Variants in ZNF385D observed in about 807,000 individuals in gnomAD.
ZNF385D encodes zinc finger protein 385D.
ZNF385D carries 15 observed loss-of-function variants against 35.8 expected under a neutral mutation model. That is an observed-to-expected ratio of 0.42 (90% CI 0.28 to 0.64). The LOEUF is 0.64. ZNF385D is among the 30% of genes least tolerant of loss of function. ZNF385D has a pLI of 0.23. For missense variants in ZNF385D, 474 were observed against 494.6 expected (o/e 0.96, Z 0.39); for synonymous variants, 212 against 186.8 (o/e 1.13, Z -1.10).
At chr3:21,572,285 T>C (rs879609612) in intron 2 of ZNF385D, among the ~76,000 whole-genome samples, 2 of 152,210 alleles carry the variant, frequency 1.3e-5, no homozygotes, top group African/African-American at 2.4e-5. Flanking sequence ...CCTTGTACTT[T>C]TGATACATAA....
chr3:21,948,301 A>T (rs1438325472), intron 3 of ZNF385D, among the ~76,000 whole-genome samples: 1 of 152,046 alleles, frequency 6.6e-6, no homozygotes, highest in African/African-American at 2.4e-5. Flanking sequence ...ATAAAATGTA[A>T]AAAGCAAATT....
At chr3:21,529,061 AT>A (rs963583585) in intron 3 of ZNF385D, among the ~76,000 whole-genome samples, 1 of 151,858 alleles carries the variant, frequency 6.6e-6, no homozygotes, top group Non-Finnish European at 1.5e-5. Flanking sequence ...CACTTTTTCC[AT>A]TTTTTTTGTG....
chr3:22,249,736 A>C lies in ZNF385D; in HGVS notation c.107-80701T>G, dbSNP rs544796523. 2.6e-5 allele frequency among the ~76,000 whole-genome samples: 4 copies of C among 152,334 alleles called. No homozygotes were observed. The East Asian group carries it at 7.7e-4, about 29-fold the overall frequency. ...AGCTCTGAGAAATGTGCAAATGCAC[A>C]TCATTTGAAATTATGCTGAGCCTCA... On this transcript the variant is annotated intron_variant, in intron 2 of 5. Coordinates refer to the ZNF385D transcript ENST00000494108.
At chr3:21,977,780 G>A (rs1260668998) in intron 3 of ZNF385D, among the ~76,000 whole-genome samples, 3 of 152,082 alleles carry the variant, frequency 2.0e-5, no homozygotes, top group Non-Finnish European at 4.4e-5. Flanking sequence ...AGGTTACGGT[G>A]GGCCATGATC....
chr3:21,824,285 T>C (rs1694457119), intron 3 of ZNF385D, among the ~76,000 whole-genome samples: 1 of 152,136 alleles, frequency 6.6e-6, no homozygotes, highest in African/African-American at 2.4e-5. Flanking sequence ...TTGATAATTC[T>C]TTTTTAAAAG....
chr3:21,903,322 G>A (rs1319754062), intron 3 of ZNF385D, among the ~76,000 whole-genome samples: 1 of 152,038 alleles, frequency 6.6e-6, no homozygotes, highest in African/African-American at 2.4e-5. Context: ...CTTACTTCAG[G>A]GATCACAGCA....
At chr3:22,224,994 T>C (rs1698469905) in intron 2 of ZNF385D, among the ~76,000 whole-genome samples, 1 of 152,130 alleles carries the variant, frequency 6.6e-6, no homozygotes, top group African/African-American at 2.4e-5. Flanking sequence ...ACCATGTTCC[T>C]AATAGTGCTT....
chr3:22,320,082 A>C (rs1301951448), intron 2 of ZNF385D, among the ~76,000 whole-genome samples: 1 of 151,164 alleles, frequency 6.6e-6, no homozygotes, highest in Admixed American at 6.6e-5. Flanking sequence ...TAAGGAGTAC[A>C]TAGGTGCTTC....
chr3:22,206,755 A>T (rs1266851286), intron 2 of ZNF385D, among the ~76,000 whole-genome samples: 3 of 151,932 alleles, frequency 2.0e-5, no homozygotes, highest in Non-Finnish European at 4.4e-5. Flanking sequence ...ATATACCAAA[A>T]CCTATGGGAT....
At chr3:22,288,137 G>C (rs1278897081) in intron 2 of ZNF385D, among the ~76,000 whole-genome samples, 1 of 151,970 alleles carries the variant, frequency 6.6e-6, no homozygotes, top group African/African-American at 2.4e-5. Context: ...TAGTTTTACG[G>C]AAGTTTCCTT....
chr3:22,168,883 A>G (rs1194358646), exon 3 of ZNF385D: 1 of 985,830 alleles, frequency 1.0e-6, no homozygotes, highest in East Asian at 1.1e-4. Flanking sequence ...TTGCCATTGT[A>G]GTGGATTTGT....
intron 3 of ZNF385D, among the ~76,000 whole-genome samples, chr3:22,016,743 C>T (rs1204042880): frequency 1.3e-5 from 2 of 151,604 alleles, no homozygotes; most frequent in African/African-American, 2.4e-5. Flanking sequence ...CAATAGTCCT[C>T]TGCTGTGTTA....
intron 3 of ZNF385D, among the ~76,000 whole-genome samples, chr3:22,155,061 G>C (rs1479146451): frequency 6.6e-6 from 1 of 152,124 alleles, no homozygotes; most frequent in Non-Finnish European, 1.5e-5. Context: ...TTGATCTTAT[G>C]TGAAGGACAA....
intron 3 of ZNF385D, among the ~76,000 whole-genome samples, chr3:21,905,950 A>G (rs941041512): frequency 3.9e-4 from 60 of 152,194 alleles, no homozygotes; most frequent in Non-Finnish European, 3.2e-4. Context: ...GCTGGAATTT[A>G]TATGAATTAT....
chr3:21,568,327 T>C (rs896715389), intron 2 of ZNF385D, among the ~76,000 whole-genome samples: 5 of 152,212 alleles, frequency 3.3e-5, no homozygotes, highest in African/African-American at 9.6e-5. Context: ...TAGCCTCTAC[T>C]GTCAAATCAG....
intron 2 of ZNF385D, among the ~76,000 whole-genome samples, chr3:21,640,233 A>G (rs2065563257): frequency 6.6e-6 from 1 of 152,010 alleles, no homozygotes; most frequent in Admixed American, 6.6e-5. Flanking sequence ...ACATGGTGGA[A>G]ATTGGGCCTT....
At chr3:21,953,891 A>G (rs1702171482) in intron 3 of ZNF385D, among the ~76,000 whole-genome samples, 1 of 152,096 alleles carries the variant, frequency 6.6e-6, no homozygotes, top group Admixed American at 6.6e-5. Flanking sequence ...AGGCACATGT[A>G]GCCTGCAGCA....
rs745644209 is a variant in ZNF385D, at chr3:21,564,592, C to T, written c.258G>A (p.Gln86=). ...RKQIISCNIC[Q]LRFNSDSQAA... ...AACTTACATCAGAATTAAATCTCAA[C>T]TGGCAAATGTTGCATGATATGATTT... is the stretch of plus-strand genomic sequence containing the variant. The change falls in exon 3 of 8, where the codon CAG becomes CAA. Residue 86 remains glutamine, a synonymous_variant. Coordinates refer to ENST00000281523, the MANE Select transcript of ZNF385D (RefSeq NM_024697.3). 3.9e-6 allele frequency: 6 copies of T among 1,543,766 alleles called. No individual in the cohort carries two copies. In the Admixed American group the frequency reaches 5.7e-5, roughly 15 times the overall value.
chr3:21,915,631 C>T (rs1700159598), intron 3 of ZNF385D, among the ~76,000 whole-genome samples: 1 of 151,962 alleles, frequency 6.6e-6, no homozygotes, highest in Admixed American at 6.6e-5. Context: ...ACCCCCAACC[C>T]ATACACAAAG....
Sources: allele counts gnomAD v4.1 joint callset (sites outside exome capture counted in the v4.1 genomes callset), GRCh38; gene constraint gnomAD v4.1.1; transcripts MANE v1.5; gene names NCBI Gene and HGNC (gene_info 2026-07-23, HGNC 2026-07-21).